C11orf65: variants seen among roughly 807,000 people sequenced by gnomAD.
C11orf65 encodes the protein protein MFI.
In C11orf65, 38 loss-of-function variants were observed where a neutral mutation model predicts 35.3. That is an observed-to-expected ratio of 1.08 (90% confidence interval 0.83 to 1.41). C11orf65 has a LOEUF of 1.41. Among genes scored for constraint, C11orf65 ranks in the 40% most tolerant of loss-of-function variants. The pLI is 0.00. For synonymous variants in C11orf65, 105 were observed against 114.4 expected (o/e 0.92, Z 0.53); for missense variants, 370 against 367.1 (o/e 1.01, Z -0.06).
At chr11:108,388,584 A>G (rs2092073562) in intron 7 of C11orf65, among the ~76,000 whole-genome samples, 1 of 152,232 alleles carries the variant, frequency 6.6e-6, no homozygotes, top group Non-Finnish European at 1.5e-5. Flanking sequence ...GAAACTATCC[A>G]TAACAGACAT....
In C11orf65 at chr11:108,323,887, G is replaced by T. The variant is rs4439476; in HGVS notation, c.641-14816C>A. Among the ~76,000 whole-genome samples, 23 of 152,188 alleles carry T rather than the reference G, an allele frequency of 1.5e-4. No individual in the cohort carries two copies. The East Asian group carries it at 4.1e-3, about 27-fold the overall frequency. On this transcript the variant is annotated intron_variant, in intron 6 of 6. Transcript: ENST00000525729. ...ATAACAAACTAAATGCAGAAGCAGA[G>T]ATAAGAATTCATCTCGTTCTGTTAA...
intron 6 of C11orf65, among the ~76,000 whole-genome samples, chr11:108,324,763 T>A (rs2085485449): frequency 6.6e-6 from 1 of 152,216 alleles, no homozygotes; most frequent in Non-Finnish European, 1.5e-5. Flanking sequence ...ATACTATTCA[T>A]ATAAACTAAT....
intron 2 of C11orf65, among the ~76,000 whole-genome samples, chr11:108,443,167 G>A (rs1299645041): frequency 6.6e-6 from 1 of 152,046 alleles, no homozygotes; most frequent in Non-Finnish European, 1.5e-5. Flanking sequence ...AAAAGCAGGG[G>A]CTACAATCCT....
intron 3 of C11orf65, among the ~76,000 whole-genome samples, chr11:108,421,929 T>C (rs1217958127): frequency 2.0e-5 from 3 of 152,198 alleles, no homozygotes; most frequent in Non-Finnish European, 4.4e-5. Flanking sequence ...AAGTTGATTC[T>C]GATGGTTATT....
chr11:108,458,824 C>T (rs2093437190), intron 2 of C11orf65, among the ~76,000 whole-genome samples: 1 of 152,078 alleles, frequency 6.6e-6, no homozygotes, highest in African/African-American at 2.4e-5. Context: ...CAGTCCTGTC[C>T]CCAGAACCAC....
At chr11:108,332,707 G>T in intron 3 of C11orf65, 1 of 1,569,478 alleles carries the variant, frequency 6.4e-7, no homozygotes, top group South Asian at 1.1e-5. Flanking sequence ...CTAACTCTGA[G>T]AAGTTTAAAT....
chr11:108,406,639 C>A (rs2138655495), intron 5 of C11orf65, 124 bp downstream of exon 5: 2 of 660,642 alleles, frequency 3.0e-6, no homozygotes, highest in South Asian at 3.3e-5. Flanking sequence ...CTAACTTAAG[C>A]AAAATTTATC....
At chr11:108,372,262 C>G (rs149413683) in intron 2 of C11orf65, among the ~76,000 whole-genome samples, 2 of 152,162 alleles carry the variant, frequency 1.3e-5, no homozygotes, top group Non-Finnish European at 2.9e-5. Flanking sequence ...AGCACGATCT[C>G]GGCTCACTGC....
At position 108,334,027 on chromosome 11, in the gene C11orf65, C is replaced by T; in HGVS notation, c.299+1193G>A. Reference sequence around the variant, plus strand: ...CTAAATTTTTTTTATTAGATTGAACCATTTGAAATAGTATTTTTATGTAGG... The same window carrying T: ...CTAAATTTTTTTTATTAGATTGAACTATTTGAAATAGTATTTTTATGTAGG... On this transcript the variant is annotated intron_variant, in intron 3 of 3. Transcript: ENST00000524755. 4 of 1,319,918 alleles carry T rather than the reference C, an allele frequency of 3.0e-6. No homozygotes were observed. The Admixed American group carries it at 6.8e-5, about 22-fold the overall frequency. 81.8% of individuals were successfully genotyped at this position (1,319,918 alleles called of 1,614,324 possible). A position where few individuals can be genotyped will look rare whatever the true frequency, so the allele number is the denominator to read the frequency against.
downstream of C11orf65, chr11:108,329,134 T>C: frequency 1.2e-6 from 2 of 1,614,120 alleles, no homozygotes; most frequent in Non-Finnish European, 1.7e-6. Flanking sequence ...ACCAAAGAAT[T>C]GAAAACTACA....
At chr11:108,387,148 CTTTTTTTT>C (rs1175890979) in intron 7 of C11orf65, among the ~76,000 whole-genome samples, 2,452 of 84,454 alleles carry the variant, frequency 0.029, 81 homozygotes, top group African/African-American at 0.093. Flanking sequence ...TTCTTTCTTT[CTTTTTTTT>C]TTTTTTTTTT....
At chr11:108,404,708 C>T (rs967183360) in intron 6 of C11orf65, among the ~76,000 whole-genome samples, 5 of 151,744 alleles carry the variant, frequency 3.3e-5, no homozygotes, top group African/African-American at 4.8e-5. Context: ...GGATTACAGG[C>T]GTGAGCCACC....
At chr11:108,427,653 C>T (rs1476179469) in intron 3 of C11orf65, among the ~76,000 whole-genome samples, 4 of 111,936 alleles carry the variant, frequency 3.6e-5, no homozygotes, top group Non-Finnish European at 6.7e-5. Context: ...ACCCGGGAGG[C>T]GGAGCTTGCA....
chr11:108,344,674 G>A (rs1442690415), intron 2 of C11orf65, among the ~76,000 whole-genome samples: 1 of 152,016 alleles, frequency 6.6e-6, no homozygotes, highest in Non-Finnish European at 1.5e-5. Context: ...GAAATATGAA[G>A]GAGGCAGAAT....
chr11:108,356,809 T>G (rs1260661129), intron 2 of C11orf65, among the ~76,000 whole-genome samples: 2 of 152,158 alleles, frequency 1.3e-5, no homozygotes, highest in East Asian at 3.9e-4. Context: ...ATGAGAGAAG[T>G]GACAGTGGCC....
intron 2 of C11orf65, among the ~76,000 whole-genome samples, chr11:108,437,709 A>G (rs1166221533): frequency 1.5e-5 from 1 of 66,138 alleles, no homozygotes; most frequent in Non-Finnish European, 3.5e-5. Context: ...CTCAGTCTTA[A>G]AAAAAAAAAA....
At chr11:108,376,263 G>A (rs906084990) in intron 2 of C11orf65, among the ~76,000 whole-genome samples, 2 of 151,928 alleles carry the variant, frequency 1.3e-5, no homozygotes, top group African/African-American at 4.8e-5. Flanking sequence ...TAAAAGAACA[G>A]AAATTATAAC....
chr11:108,335,782 T>A, intron 2 of C11orf65: 1 of 1,349,352 alleles, frequency 7.4e-7, no homozygotes, highest in Non-Finnish European at 1.1e-6. Context: ...TATTCTCAGA[T>A]GACTCTGTGT....
At chr11:108,386,877 C>A (rs909741346) in intron 7 of C11orf65, among the ~76,000 whole-genome samples, 1 of 151,922 alleles carries the variant, frequency 6.6e-6, no homozygotes, top group Non-Finnish European at 1.5e-5. Flanking sequence ...GTCAGGAGAT[C>A]GAGACGACCC....
Sources: gnomAD v4.1 joint callset for allele counts (sites outside exome capture counted in the v4.1 genomes callset) on GRCh38, gnomAD v4.1.1 for gene constraint, MANE v1.5 for transcripts, NCBI Gene and HGNC (gene_info 2026-07-23, HGNC 2026-07-21) for gene names.